Variants in MEGF11 observed in about 807,000 individuals in gnomAD.
MEGF11 encodes the protein multiple epidermal growth factor-like domains protein 11.
In MEGF11, 126 loss-of-function variants were observed where a neutral mutation model predicts 146.6. The ratio of observed to expected loss-of-function variants is 0.86; its 90% CI spans 0.74 to 1.00. The LOEUF (loss-of-function observed/expected upper bound fraction) is 1.00. MEGF11 is among the 50% of genes least tolerant of loss of function. The probability of loss-of-function intolerance (pLI) is 0.00; values close to 1 mark genes in which losing one functional copy is unlikely to be tolerated. For synonymous variants in MEGF11, 532 were observed against 583.4 expected, an observed-to-expected ratio of 0.91 and a Z score of 1.27; for missense variants, 1,509 against 1,521.2, an observed-to-expected ratio of 0.99 and a Z score of 0.13.
At chr15:66,159,340 C>T (rs1175407456) in intron 1 of MEGF11, among the ~76,000 whole-genome samples, 1 of 152,216 alleles carries the variant, frequency 6.6e-6, no homozygotes, top group Non-Finnish European at 1.5e-5. Context: ...CCTTCCCCTC[C>T]TCTACTGCAG....
At chr15:66,145,707 T>C (rs1022351590) in intron 1 of MEGF11, among the ~76,000 whole-genome samples, 2 of 152,204 alleles carry the variant, frequency 1.3e-5, no homozygotes, top group African/African-American at 4.8e-5. Context: ...CAGGACCCTG[T>C]GAGGGAGGCA....
At chr15:66,221,563 C>G (rs2091738190) in intron 1 of MEGF11, among the ~76,000 whole-genome samples, 1 of 151,860 alleles carries the variant, frequency 6.6e-6, no homozygotes, top group Admixed American at 6.6e-5. Context: ...CCTGGCACAG[C>G]TGAGCACTTA....
intron 10 of MEGF11, among the ~76,000 whole-genome samples, chr15:65,948,780 C>A (rs2080288565): frequency 6.6e-6 from 1 of 152,184 alleles, no homozygotes; most frequent in Admixed American, 6.5e-5. Flanking sequence ...GTAACTCCAA[C>A]AAGACCACAT....
intron 10 of MEGF11, among the ~76,000 whole-genome samples, chr15:65,939,182 C>T (rs1051005363): frequency 6.6e-6 from 1 of 152,162 alleles, no homozygotes; most frequent in Non-Finnish European, 1.5e-5. Context: ...CATGAGCCTG[C>T]CAGCCTGTGG....
chr15:65,953,532 A>G (rs2080475544), intron 10 of MEGF11, among the ~76,000 whole-genome samples: 1 of 152,230 alleles, frequency 6.6e-6, no homozygotes, highest in Non-Finnish European at 1.5e-5. Flanking sequence ...CTTGTGAGGC[A>G]TAAGTCAGAC....
Position 65,970,534 on chromosome 15 carries a change from C to T in MEGF11, c.899+19G>A. 6.2e-7 allele frequency: 1 copy of T among 1,611,710 alleles called. No individual in the cohort carries two copies. Among genetic ancestry groups the T allele is most frequent in the South Asian group, 1.1e-5 (1 of 90,856 alleles). On this transcript the variant is annotated intron_variant, in intron 8 of 25. Coordinates refer to ENST00000395614, the MANE Select transcript of MEGF11 (RefSeq NM_001385028.1). ...TGAGTAAAATGGACAGCAAAGATAA[C>T]AGTTAACACTATCCTTACCTGTCCC... is the stretch of plus-strand genomic sequence containing the variant.
At chr15:66,223,505 T>G (rs1475723483) in intron 1 of MEGF11, among the ~76,000 whole-genome samples, 1 of 152,188 alleles carries the variant, frequency 6.6e-6, no homozygotes, top group East Asian at 1.9e-4. Context: ...GGTGGATCAC[T>G]TGAGGCCAGG....
chr15:66,218,986 A>AAAAAAAAACAAAAAAC (rs2091661371), intron 1 of MEGF11, among the ~76,000 whole-genome samples: 1 of 151,098 alleles, frequency 6.6e-6, no homozygotes, highest in Non-Finnish European at 1.5e-5. Flanking sequence ...AGGCAAAAAA[A>AAAAAAAAACAAAAAAC]AAAAAAAAAA....
Position 66,147,606 on chromosome 15 carries a change from C to T in MEGF11, c.-8-19195G>A, listed in dbSNP as rs77123364. ...CTAACCAGGTAGGGCAACAGTGCTCCGGGCAGAGTGGGTGCCAAGGCCTGG... is the reference window on the plus strand; with the variant it reads ...CTAACCAGGTAGGGCAACAGTGCTCTGGGCAGAGTGGGTGCCAAGGCCTGG... On this transcript the variant is annotated intron_variant, in intron 1 of 25. Coordinates refer to ENST00000395614, the MANE Select transcript of MEGF11 (RefSeq NM_001385028.1). 1.9e-3 allele frequency among the ~76,000 whole-genome samples: 282 copies of T among 152,308 alleles called. 1 individual carries two copies. Among genetic ancestry groups the T allele is most frequent in the Non-Finnish European group, 2.9e-3 (198 of 68,016 alleles).
Position 65,906,157 on chromosome 15 carries a change from A to G in MEGF11, c.2999-16T>C. The stretch of plus-strand genomic sequence containing the variant: ...CCACAAGCACCTGTGTAAAAATAAC[A>G]TGTAAGGAAAGAAAATATGGGGGTG... On this transcript the variant is annotated splice_polypyrimidine_tract_variant and intron_variant, in intron 23 of 25. Transcript: ENST00000395614. The G allele has an allele frequency of 6.3e-7, 1 of 1,598,022 alleles. No individual in the cohort carries two copies. Among genetic ancestry groups the G allele is most frequent in the East Asian group, 2.2e-5 (1 of 44,690 alleles).
chr15:65,934,471 G>A (rs533784642), intron 10 of MEGF11, among the ~76,000 whole-genome samples: 1 of 152,182 alleles, frequency 6.6e-6, no homozygotes, highest in East Asian at 1.9e-4. Flanking sequence ...GGCTGGTCTC[G>A]AACTCCCGAC....
chr15:65,928,524 C>T lies in MEGF11; in HGVS notation c.1576G>A (p.Gly526Ser), dbSNP rs1164393601. 1.9e-6 allele frequency: 3 copies of T among 1,594,008 alleles called. No homozygotes were observed. Among genetic ancestry groups the T allele is most frequent in the Non-Finnish European group, 2.6e-6 (3 of 1,167,306 alleles). ...GDTCELPCPDGTFGLNCSEHC... is the reference protein window; with the variant it reads ...GDTCELPCPDSTFGLNCSEHC... Reference sequence around the variant, plus strand: ...TCACTGCAGTTCAGCCCAAATGTGCCATCCTGTGGAGAAGACAGGGAGAGA... The same window carrying T: ...TCACTGCAGTTCAGCCCAAATGTGCTATCCTGTGGAGAAGACAGGGAGAGA... The change falls in exon 13 of 26, where the codon GGC (glycine) becomes AGC (serine). Residue 526 changes from glycine (G) to serine (S), a missense_variant. Transcript: ENST00000395614.
intron 5 of MEGF11, among the ~76,000 whole-genome samples, chr15:66,027,246 C>T (rs941300737): frequency 6.6e-6 from 1 of 152,236 alleles, no homozygotes. Context: ...AGGTTCAAAT[C>T]CCGACTTTAC....
intron 10 of MEGF11, among the ~76,000 whole-genome samples, chr15:65,941,851 C>T (rs1168826856): frequency 6.6e-6 from 1 of 152,254 alleles, no homozygotes; most frequent in African/African-American, 2.4e-5. Flanking sequence ...CCAATGACCA[C>T]ACCCCTTCAC....
chr15:65,971,033 A>T, intron 7 of MEGF11: 1 of 309,240 alleles, frequency 3.2e-6, no homozygotes, highest in Non-Finnish European at 6.1e-6. Context: ...TCACATGGGT[A>T]CACAGTAAAG....
In MEGF11 at chr15:65,922,868, T is replaced by A; in HGVS notation, c.1777A>T (p.Ser593Cys). The part of the protein sequence containing the change: ...NGGSCSPEDG[S>C]CECAPGFRGP... ...CGGAAGCCAGGGGCACACTCGCAGC[T>A]CCCATCCTCTGGGGAGCAGGAGCCT... The change falls in exon 14 of 26, where the codon AGC becomes TGC. Residue 593 changes from serine (S) to cysteine (C), a missense_variant. Coordinates refer to ENST00000395614, the MANE Select transcript of MEGF11 (RefSeq NM_001385028.1). 6.2e-7 allele frequency: 1 copy of A among 1,613,548 alleles called. No homozygotes were observed. The highest frequency in any genetic ancestry group is 8.5e-7 in the Non-Finnish European group (1 of 1,179,798).
rs1415412477 is a variant in MEGF11 at position 65,898,818 on chromosome 15, A to T, written c.3172T>A (p.Tyr1058Asn). Residue 1058 changes from tyrosine (Y) to asparagine (N), a missense_variant, in exon 25 of 26, where the codon TAT becomes AAT. Transcript: ENST00000395614. ...TGCACAGGCGACTTCATTTCTACAT[A>T]GCTGCTTTCTGGAAGCTTGCAGGTG... ...ILTCKLPESS[Y>N]VEMKSPVHMG... 1 of 1,614,020 alleles carries T rather than the reference A, an allele frequency of 6.2e-7. No individual in the cohort carries two copies. Among genetic ancestry groups the T allele is most frequent in the Admixed American group, 1.7e-5 (1 of 60,026 alleles).
Position 66,012,893 on chromosome 15 carries a change from G to A in MEGF11, c.395-30405C>T, listed in dbSNP as rs562524416. Among the ~76,000 whole-genome samples, 4 of 152,364 alleles carry A rather than the reference G, an allele frequency of 2.6e-5. No individual in the cohort carries two copies. The South Asian group carries it at 6.2e-4, about 24-fold the overall frequency. ...CAGTGATGATGATGGGCCAGCCCCCGCACAGGGGTTCTGCAGTAAGGGCCA... is the reference window on the plus strand; with the variant it reads ...CAGTGATGATGATGGGCCAGCCCCCACACAGGGGTTCTGCAGTAAGGGCCA... On this transcript the variant is annotated intron_variant, in intron 5 of 25. Coordinates refer to ENST00000395614, the MANE Select transcript of MEGF11 (RefSeq NM_001385028.1).
intron 24 of MEGF11, among the ~76,000 whole-genome samples, chr15:65,900,516 G>T (rs1297471311): frequency 6.6e-6 from 1 of 152,182 alleles, no homozygotes; most frequent in Admixed American, 6.5e-5. Context: ...GTTTGTTTCA[G>T]CAGATAGTAT....
Sources: gnomAD v4.1 joint callset for allele counts (sites outside exome capture counted in the v4.1 genomes callset) on GRCh38, gnomAD v4.1.1 for gene constraint, MANE v1.5 for transcripts, NCBI Gene and HGNC (gene_info 2026-07-23, HGNC 2026-07-21) for gene names.